Variants in APBA1 observed in about 807,000 individuals in gnomAD.
APBA1 encodes the protein amyloid beta precursor protein binding family A member 1, also known as amyloid-beta A4 precursor protein-binding family A member 1.
Under a neutral mutation model 86.6 loss-of-function variants are expected in APBA1, and 55 were observed. The ratio of observed to expected loss-of-function variants is 0.64; its 90% CI spans 0.51 to 0.80. The LOEUF (loss-of-function observed/expected upper bound fraction) is 0.80. Among genes scored for constraint, APBA1 ranks in the 30% least tolerant of loss-of-function variants. APBA1 has a pLI of 0.00. For missense variants in APBA1, 1,090 were observed against 1,183.0 expected, an observed-to-expected ratio of 0.92 and a Z score of 1.15; for synonymous variants, 511 against 493.9, an observed-to-expected ratio of 1.03 and a Z score of -0.46.
rs548828895 is a variant in APBA1, at chr9:69,605,924, T to C, written c.-70+66229A>G. Among the ~76,000 whole-genome samples the C allele has an allele frequency of 2.0e-5, 3 of 152,372 alleles. No individual in the cohort carries two copies. In the South Asian group the frequency reaches 6.2e-4, roughly 32 times the overall value. ...ATGTATTTATCCAATGAATTAATGA[T>C]TGAATTAATGCATGGAAAATTCTCA... On this transcript the variant is annotated intron_variant, in intron 1 of 12. Transcript: ENST00000265381.
At chr9:69,442,157 G>T (rs1199676531) in intron 10 of APBA1, among the ~76,000 whole-genome samples, 1 of 152,204 alleles carries the variant, frequency 6.6e-6, no homozygotes, top group Non-Finnish European at 1.5e-5. Context: ...AGTCTCCCCA[G>T]GGTGCCTGCT....
rs183872313 is a variant in APBA1 at position 69,640,524 on chromosome 9, T to C, written c.-70+31629A>G. On this transcript the variant is annotated intron_variant, in intron 1 of 12. Transcript: ENST00000265381. Reference sequence around the variant, plus strand: ...CATTTTGACTCTGTAATATTAATAATTATCCATATAATAATATTACAGAGT... The same window carrying C: ...CATTTTGACTCTGTAATATTAATAACTATCCATATAATAATATTACAGAGT... Among the ~76,000 whole-genome samples the C allele has an allele frequency of 3.9e-3, 590 of 152,056 alleles. 3 individuals carry two copies. Among genetic ancestry groups the C allele is most frequent in the African/African-American group, 0.014 (564 of 41,508 alleles).
intron 1 of APBA1, among the ~76,000 whole-genome samples, chr9:69,604,516 ACAC>A (rs1476131673): frequency 2.9e-5 from 4 of 139,910 alleles, no homozygotes; most frequent in Non-Finnish European, 3.1e-5. Flanking sequence ...GGGCACATGC[ACAC>A]ATGAGGGTAA....
At chr9:69,625,768 C>T (rs12350861) in intron 1 of APBA1, among the ~76,000 whole-genome samples, 7 of 152,082 alleles carry the variant, frequency 4.6e-5, no homozygotes, top group Non-Finnish European at 7.4e-5. Flanking sequence ...CATATTCCAA[C>T]GACTTTAAGA....
intron 8 of APBA1, among the ~76,000 whole-genome samples, chr9:69,454,906 AG>A (rs1835069845): frequency 6.6e-6 from 1 of 152,170 alleles, no homozygotes; most frequent in African/African-American, 2.4e-5. Flanking sequence ...TCAGCTTTAC[AG>A]GAACAGTAGG....
intron 10 of APBA1, among the ~76,000 whole-genome samples, chr9:69,441,458 A>G (rs956676436): frequency 5.9e-5 from 9 of 152,156 alleles, no homozygotes; most frequent in Non-Finnish European, 4.4e-5. Flanking sequence ...TTTGGCTTCA[A>G]AGATGAAGGA....
chr9:69,671,698 T>G (rs916640794), intron 1 of APBA1, among the ~76,000 whole-genome samples: 19 of 152,078 alleles, frequency 1.2e-4, no homozygotes, highest in Non-Finnish European at 2.5e-4. Context: ...ACCAAGTGCA[T>G]CCTGCCCACC....
At chr9:69,443,613 T>G (rs1834860306) in intron 10 of APBA1, among the ~76,000 whole-genome samples, 1 of 152,198 alleles carries the variant, frequency 6.6e-6, no homozygotes, top group Admixed American at 6.5e-5. Context: ...TACCTGTCAT[T>G]GAACACTCAC....
In APBA1 at chr9:69,516,122, C is replaced by T. The variant is rs1385864227; in HGVS notation, c.1089G>A (p.Arg363=). 6.2e-7 allele frequency: 1 copy of T among 1,613,660 alleles called. No individual in the cohort carries two copies. Among genetic ancestry groups the T allele is most frequent in the South Asian group, 1.1e-5 (1 of 91,060 alleles). ...IKEAIEEVKT[R]TIRSPYTPDE... Reference sequence around the variant, plus strand: ...CGGGGGTGTAAGGCGAACGGATGGTCCTGGTTTTCACCTCCTCGATGGCCT... The same window carrying T: ...CGGGGGTGTAAGGCGAACGGATGGTTCTGGTTTTCACCTCCTCGATGGCCT... The change falls in exon 2 of 13, where the codon AGG becomes AGA. Residue 363 remains arginine (R), a synonymous_variant. Coordinates refer to ENST00000265381, the MANE Select transcript of APBA1 (RefSeq NM_001163.4). This position sits in a 1 kb window ranked among gnomAD's most constrained non-coding sequence, Gnocchi z 7.3.
intron 8 of APBA1, 136 bp from the exon 9 acceptor site, chr9:69,452,437 G>T: frequency 1.3e-6 from 1 of 789,650 alleles, no homozygotes; most frequent in Non-Finnish European, 2.0e-6. Context: ...TGGGCCAGTG[G>T]TTCTACGTGG....
In APBA1 at chr9:69,539,248, CT is replaced by C. The variant is rs768084214; in HGVS notation, c.-69-21970del. ...CAGCTCAAACTGTTCCCCTGAGCTCCTTTAGACATAACTGTGCCTCCTTAAT... is the reference window on the plus strand; with the variant it reads ...CAGCTCAAACTGTTCCCCTGAGCTCCTTAGACATAACTGTGCCTCCTTAAT... On this transcript the variant is annotated intron_variant, in intron 1 of 12. Coordinates refer to ENST00000265381, the MANE Select transcript of APBA1 (RefSeq NM_001163.4). Among the ~76,000 whole-genome samples the C allele has an allele frequency of 9.2e-5, 14 of 152,308 alleles. No homozygotes were observed. The East Asian group carries it at 2.3e-3, about 25-fold the overall frequency.
intron 1 of APBA1, among the ~76,000 whole-genome samples, chr9:69,594,654 T>G (rs1328904990): frequency 6.6e-6 from 1 of 152,158 alleles, no homozygotes. Context: ...AGAAATAACC[T>G]GATTGAGGAT....
In APBA1 at chr9:69,528,490, G is replaced by GA. The variant is rs144658624; in HGVS notation, c.-69-11212dup. On this transcript the variant is annotated intron_variant, in intron 1 of 12. Coordinates refer to ENST00000265381, the MANE Select transcript of APBA1 (RefSeq NM_001163.4). ...CTTGCAAATTTTACAGAAAACTCAA[G>GA]AGACAGTCTCTGGAAATTAAAGCCA... 4.8e-3 allele frequency among the ~76,000 whole-genome samples: 736 copies of GA among 152,164 alleles called. 4 individuals carry two copies. Among genetic ancestry groups the GA allele is most frequent in the African/African-American group, 0.017 (691 of 41,536 alleles).
At chr9:69,622,228 G>T (rs77594917) in intron 1 of APBA1, among the ~76,000 whole-genome samples, 8,114 of 152,278 alleles carry the variant, frequency 0.053, 731 homozygotes, top group African/African-American at 0.18. Flanking sequence ...AAGCCCACTT[G>T]CCCTATGACT....
intron 1 of APBA1, among the ~76,000 whole-genome samples, chr9:69,520,390 C>G (rs1399059313): frequency 2.0e-5 from 3 of 152,074 alleles, no homozygotes; most frequent in Non-Finnish European, 4.4e-5. Context: ...AGGTAACATA[C>G]CTTTTGCCCC....
chr9:69,558,559 CACAT>C (rs1480619781), intron 1 of APBA1, among the ~76,000 whole-genome samples: 20 of 137,540 alleles, frequency 1.5e-4, no homozygotes, highest in East Asian at 5.9e-4. Context: ...CACACACACA[CACAT>C]ATATATATAT....
In APBA1 at chr9:69,432,565, C is replaced by A; in HGVS notation, c.2413G>T (p.Val805Phe). The A allele has an allele frequency of 6.3e-7, 1 of 1,592,632 alleles. No individual in the cohort carries two copies. Among genetic ancestry groups the A allele is most frequent in the Non-Finnish European group, 8.5e-7 (1 of 1,170,096 alleles). ...CCAACAGCATTGGAGAGAATGTGGA[C>A]GATCTTCTCGTGGGGGGTGGCCACG... Reference protein sequence around the residue: ...SVVATPHEKIVHILSNAVGEI... With the variant: ...SVVATPHEKIFHILSNAVGEI... The change falls in exon 12 of 13, where the codon GTC (valine) becomes TTC (phenylalanine). Residue 805 changes from valine to phenylalanine, a missense_variant. By Grantham distance (50) the Val-to-Phe change is conservative. Around this residue, in one of 6 missense-constraint regions of APBA1, gnomAD observed 119 missense variants for 124.8 expected, o/e 0.95. Coordinates refer to ENST00000265381, the MANE Select transcript of APBA1 (RefSeq NM_001163.4).
At chr9:69,456,032 T>C (rs1835090160) in intron 8 of APBA1, among the ~76,000 whole-genome samples, 1 of 152,186 alleles carries the variant, frequency 6.6e-6, no homozygotes, top group African/African-American at 2.4e-5. Flanking sequence ...TTACATTAAG[T>C]ATATTTACCT....
At chr9:69,646,894 T>C (rs954037750) in intron 1 of APBA1, among the ~76,000 whole-genome samples, 1 of 152,150 alleles carries the variant, frequency 6.6e-6, no homozygotes, top group African/African-American at 2.4e-5. Flanking sequence ...CACTATTTTC[T>C]TAGGCCTCTC....
Sources: allele counts gnomAD v4.1 joint callset (sites outside exome capture counted in the v4.1 genomes callset), GRCh38; gene constraint gnomAD v4.1.1; regional missense constraint gnomAD v4.1.1; non-coding constraint Gnocchi (gnomAD v3.1); transcripts MANE v1.5; gene names NCBI Gene and HGNC (gene_info 2026-07-23, HGNC 2026-07-21).